Variants in ALG6 observed in about 807,000 individuals in gnomAD.
ALG6 encodes dolichyl pyrophosphate Man9GlcNAc2 alpha-1,3-glucosyltransferase.
ALG6 carries 46 observed loss-of-function variants against 66.6 expected under a neutral mutation model. That is an observed-to-expected ratio of 0.69 (90% confidence interval 0.55 to 0.88). The LOEUF is 0.88. ALG6 is among the 40% of genes least tolerant of loss of function. The probability of loss-of-function intolerance (pLI) is 0.00; values close to 1 mark genes in which losing one functional copy is unlikely to be tolerated. For synonymous variants in ALG6, 185 were observed against 203.7 expected (o/e 0.91, Z 0.78); for missense variants, 505 against 586.8 (o/e 0.86, Z 1.44).
At chr1:63,372,980 A>G (rs1005196407) in intron 2 of ALG6, among the ~76,000 whole-genome samples, 3 of 151,188 alleles carry the variant, frequency 2.0e-5, no homozygotes, top group Admixed American at 6.6e-5. Flanking sequence ...ATATAGATGT[A>G]TACACACACA....
At chr1:63,373,756 G>C (rs1328508032) in intron 2 of ALG6, among the ~76,000 whole-genome samples, 1 of 150,392 alleles carries the variant, frequency 6.6e-6, no homozygotes, top group Non-Finnish European at 1.5e-5. Flanking sequence ...GACCTCTTGG[G>C]ACCACAGGCA....
At chr1:63,371,314 C>T in intron 2 of ALG6, 1 of 456,956 alleles carries the variant, frequency 2.2e-6, no homozygotes, top group Non-Finnish European at 4.0e-6. Flanking sequence ...AGAAATGATT[C>T]TGTATTAAAC....
At chr1:63,418,852 A>G (rs1486289312) in intron 11 of ALG6, among the ~76,000 whole-genome samples, 1 of 152,228 alleles carries the variant, frequency 6.6e-6, no homozygotes, top group East Asian at 1.9e-4. Context: ...TGCTTGAGCA[A>G]CTGGATAGTT....
At chr1:63,428,896 C>A in intron 13 of ALG6, 32 bp from the exon 14 acceptor site, 1 of 1,599,470 alleles carries the variant, frequency 6.3e-7, no homozygotes, top group Non-Finnish European at 8.6e-7. Flanking sequence ...ATTGATAATT[C>A]TCTTGTGATT....
chr1:63,391,572 C>T (rs537998002), intron 2 of ALG6, among the ~76,000 whole-genome samples: 8 of 152,294 alleles, frequency 5.3e-5, no homozygotes, highest in African/African-American at 1.7e-4. Context: ...ACCTGCCCTT[C>T]CTCAGATTCC....
chr1:63,386,615 T>C (rs2100395152), intron 2 of ALG6, among the ~76,000 whole-genome samples: 1 of 152,308 alleles, frequency 6.6e-6, no homozygotes, highest in East Asian at 1.9e-4. Context: ...TTGCTCATAG[T>C]AGTCTCTGGT....
At chr1:63,404,808 ATTATTC>A (rs1270310586) in intron 5 of ALG6, among the ~76,000 whole-genome samples, 3 of 152,230 alleles carry the variant, frequency 2.0e-5, no homozygotes, top group South Asian at 2.1e-4. Flanking sequence ...GATAAATACT[ATTATTC>A]TTATTTTAAG....
intron 14 of ALG6, among the ~76,000 whole-genome samples, chr1:63,430,460 A>G (rs1004685641): frequency 5.3e-5 from 8 of 152,362 alleles, no homozygotes; most frequent in East Asian, 1.9e-4. Flanking sequence ...TATGTTTAAC[A>G]TCTTCAGAAA....
chr1:63,384,457 AT>A (rs767511776), intron 2 of ALG6, among the ~76,000 whole-genome samples: 2 of 151,664 alleles, frequency 1.3e-5, no homozygotes, highest in Non-Finnish European at 2.9e-5. Context: ...GTCTTTGTTG[AT>A]TGCTTCCTTT....
At chr1:63,398,627 C>T (rs1426133825) in intron 3 of ALG6, among the ~76,000 whole-genome samples, 1 of 151,982 alleles carries the variant, frequency 6.6e-6, no homozygotes, top group Non-Finnish European at 1.5e-5. Flanking sequence ...CGCCCACCAC[C>T]ACGCCTGGCT....
At position 63,418,261 on chromosome 1, in the gene ALG6, TTA is replaced by T. The variant is rs1491337114; in HGVS notation, c.988-1107_988-1106del. ...TAGTTTAGGGTTTTTCTGAGTAGCT[TTA>T]TTATTAAATATTAAATTTAATAATT... On this transcript the variant is annotated intron_variant, in intron 11 of 14. Transcript: ENST00000263440. Among the ~76,000 whole-genome samples the T allele has an allele frequency of 1.1e-4, 17 of 149,312 alleles. 1 individual carries two copies. In the East Asian group the frequency reaches 2.9e-3, roughly 26 times the overall value.
chr1:63,386,170 G>C (rs1214720407), intron 2 of ALG6, among the ~76,000 whole-genome samples: 1 of 152,066 alleles, frequency 6.6e-6, no homozygotes, highest in African/African-American at 2.4e-5. Flanking sequence ...TTATCTGTAG[G>C]GTTATGGTGA....
At chr1:63,419,256 C>T (rs1394164998) in intron 11 of ALG6, 114 bp from the exon 12 acceptor site, 1 of 871,670 alleles carries the variant, frequency 1.1e-6, no homozygotes, top group African/African-American at 1.7e-5. Flanking sequence ...CTAAATAGAG[C>T]TTTAATAAAC....
chr1:63,400,806 A>C (rs1644461559), intron 3 of ALG6, among the ~76,000 whole-genome samples: 1 of 152,160 alleles, frequency 6.6e-6, no homozygotes, highest in Non-Finnish European at 1.5e-5. Context: ...ACTATTGAGC[A>C]CTTTGTGTCA....
At chr1:63,393,296 TTTA>T (rs1292879793) in intron 2 of ALG6, among the ~76,000 whole-genome samples, 2 of 152,320 alleles carry the variant, frequency 1.3e-5, no homozygotes, top group Admixed American at 1.3e-4. Flanking sequence ...TAAAAAAATT[TTTA>T]TTATTGTAGG....
At chr1:63,408,196 C>A (rs970262341) in intron 7 of ALG6, among the ~76,000 whole-genome samples, 1 of 152,162 alleles carries the variant, frequency 6.6e-6, no homozygotes, top group Admixed American at 6.5e-5. Context: ...AATGGTACCC[C>A]TGAACTAACT....
chr1:63,382,571 T>G (rs1207129465), intron 2 of ALG6, among the ~76,000 whole-genome samples: 2 of 151,910 alleles, frequency 1.3e-5, no homozygotes, highest in African/African-American at 4.8e-5. Flanking sequence ...CCTCCCGAGT[T>G]CAAGCAGTTC....
intron 3 of ALG6, among the ~76,000 whole-genome samples, chr1:63,401,324 T>C (rs926816548): frequency 6.6e-6 from 1 of 152,158 alleles, no homozygotes; most frequent in Admixed American, 6.5e-5. Flanking sequence ...AGAAATATTT[T>C]TAATTCAAAA....
rs1644514733 is a variant in ALG6 at position 63,411,301 on chromosome 1, A to T, written c.650A>T (p.Lys217Met). The change falls in exon 8 of 15, where the codon AAG (lysine) becomes ATG (methionine). Residue 217 changes from lysine to methionine, a missense_variant. Coordinates refer to ENST00000263440, the MANE Select transcript of ALG6 (RefSeq NM_013339.4). ...ALPFFCFLLG[K>M]CFKKGLKGKG... ...CCATTTTTTTGCTTTTTACTTGGCA[A>T]GTGTTTTAAAAAAGGCCTCAAAGGA... 1 of 1,613,858 alleles carries T rather than the reference A, an allele frequency of 6.2e-7. No homozygotes were observed. The highest frequency in any genetic ancestry group is 8.5e-7 in the Non-Finnish European group (1 of 1,179,854).
Sources: gnomAD v4.1 joint callset for allele counts (sites outside exome capture counted in the v4.1 genomes callset) on GRCh38, gnomAD v4.1.1 for gene constraint, MANE v1.5 for transcripts, NCBI Gene and HGNC (gene_info 2026-07-23, HGNC 2026-07-21) for gene names.